Variants in VAV2 observed in about 807,000 individuals in gnomAD.
The protein encoded by VAV2 is guanine nucleotide exchange factor VAV2.
VAV2 carries 67 observed loss-of-function variants against 132.5 expected under a neutral mutation model. That is an observed-to-expected ratio of 0.51 (90% CI 0.42 to 0.62). The LOEUF (loss-of-function observed/expected upper bound fraction) is 0.62. Among genes scored for constraint, VAV2 ranks in the 20% least tolerant of loss-of-function variants. The probability of loss-of-function intolerance (pLI) is 0.00; values close to 1 mark genes in which losing one functional copy is unlikely to be tolerated. For synonymous variants in VAV2, 492 were observed against 443.5 expected (o/e 1.11, Z -1.37); for missense variants, 938 against 1,153.6 (o/e 0.81, Z 2.71).
chr9:133,830,621 C>T (rs1263361629), intron 4 of VAV2, among the ~76,000 whole-genome samples: 1 of 152,210 alleles, frequency 6.6e-6, no homozygotes, highest in Non-Finnish European at 1.5e-5. Context: ...AAACCTCTTT[C>T]CTTTACAATT....
chr9:133,920,190 T>C (rs1840246201), intron 2 of VAV2, among the ~76,000 whole-genome samples: 1 of 151,828 alleles, frequency 6.6e-6, no homozygotes, highest in African/African-American at 2.4e-5. Flanking sequence ...AGAGCCTCCT[T>C]CTAGTCAGCC....
intron 1 of VAV2, among the ~76,000 whole-genome samples, chr9:133,947,163 G>A (rs1389525122): frequency 1.3e-5 from 2 of 152,176 alleles, no homozygotes; most frequent in Non-Finnish European, 2.9e-5. Flanking sequence ...CTGCTTAGGT[G>A]GCAACCTCGC....
At chr9:133,934,231 A>G (rs1044311825) in intron 2 of VAV2, among the ~76,000 whole-genome samples, 1 of 152,168 alleles carries the variant, frequency 6.6e-6, no homozygotes, top group African/African-American at 2.4e-5. Flanking sequence ...GCCGGGAGGC[A>G]GCTGTTTAGA....
intron 2 of VAV2, among the ~76,000 whole-genome samples, chr9:133,913,684 A>G (rs907871642): frequency 6.6e-6 from 1 of 152,258 alleles, no homozygotes; most frequent in African/African-American, 2.4e-5. Context: ...GGGCAAAGTC[A>G]GGGCAAACAG....
intron 2 of VAV2, among the ~76,000 whole-genome samples, chr9:133,904,627 G>A (rs762541716): frequency 6.6e-5 from 10 of 152,224 alleles, no homozygotes; most frequent in South Asian, 2.1e-4. Context: ...CAGTGGAGTC[G>A]GACGACATGC....
rs1171871638 is a variant in VAV2 at position 133,824,559 on chromosome 9, C to T, written c.449+9713G>A. On this transcript the variant is annotated intron_variant, in intron 4 of 29. Coordinates refer to ENST00000371850, the MANE Select transcript of VAV2 (RefSeq NM_001134398.2). This position sits in a 1 kb window ranked among gnomAD's most constrained non-coding sequence, Gnocchi z 5.2. ...TCCTACGCACTCTTCAAAATGAACA[C>T]CTCCTCCAGGAAGGCTTCCTGCCCT... 1.3e-5 allele frequency among the ~76,000 whole-genome samples: 2 copies of T among 152,198 alleles called. No individual in the cohort carries two copies. Among genetic ancestry groups the T allele is most frequent in the Admixed American group, 6.5e-5 (1 of 15,288 alleles).
At position 133,810,280 on chromosome 9, in the gene VAV2, G is replaced by T. The variant is rs1209737076; in HGVS notation, c.553-75C>A. 5.4e-5 allele frequency: 86 copies of T among 1,602,978 alleles called. 1 individual carries two copies. In the South Asian group the frequency reaches 9.4e-4, roughly 17 times the overall value. On this transcript the variant is annotated intron_variant, in intron 5 of 29. Transcript: ENST00000371850. ...CACTGTCCTGGCAAGCTGGGCCTGGGACATCAGGAACGCCACCCCACAACC... is the reference window on the plus strand; with the variant it reads ...CACTGTCCTGGCAAGCTGGGCCTGGTACATCAGGAACGCCACCCCACAACC...
rs1466456531 is a variant in VAV2, at chr9:133,778,825, C to T, written c.1827G>A (p.Leu609=). The T allele has an allele frequency of 1.2e-6, 2 of 1,613,046 alleles. No individual in the cohort carries two copies. The highest frequency in any genetic ancestry group is 2.7e-5 in the African/African-American group (2 of 74,948). ...GNPAPPGKPV[L]TFQTGDVLEL... ...CAAGCACGTCGCCCGTCTGGAAGGT[C>T]AGCACAGGCTTCCCGGGAGGGGCTG... The change falls in exon 22 of 30, where the codon CTG becomes CTA. Residue 609 remains leucine, a synonymous_variant. Coordinates refer to ENST00000371850, the MANE Select transcript of VAV2 (RefSeq NM_001134398.2).
chr9:133,943,405 G>A (rs1054471437), intron 1 of VAV2, among the ~76,000 whole-genome samples: 2 of 152,214 alleles, frequency 1.3e-5, no homozygotes, highest in Non-Finnish European at 2.9e-5. Flanking sequence ...AAAGTCCCCT[G>A]TCCACGCCCA....
chr9:133,789,228 C>T, intron 14 of VAV2, 30 bp downstream of exon 14: 1 of 1,611,278 alleles, frequency 6.2e-7, no homozygotes, highest in South Asian at 1.1e-5. Context: ...GGCGGGACGC[C>T]ACCCAGCCCA....
intron 2 of VAV2, among the ~76,000 whole-genome samples, chr9:133,938,564 G>A (rs768788084): frequency 5.3e-5 from 8 of 152,012 alleles, no homozygotes; most frequent in South Asian, 2.1e-4. Context: ...GACACTTCCC[G>A]GGGTCACCAC....
Position 133,806,192 on chromosome 9 carries a change from A to C in VAV2, c.736-11T>G, listed in dbSNP as rs773665828. 3.1e-6 allele frequency: 5 copies of C among 1,608,910 alleles called. No individual in the cohort carries two copies. Among genetic ancestry groups the C allele is most frequent in the Non-Finnish European group, 4.2e-6 (5 of 1,178,434 alleles). On this transcript the variant is annotated splice_polypyrimidine_tract_variant and intron_variant, in intron 8 of 29. Coordinates refer to ENST00000371850, the MANE Select transcript of VAV2 (RefSeq NM_001134398.2). ...CACCTTGATCAGGTCCTGGGTTGAA[A>C]ACCAGCCGTGAGTGCCTGGCCAGGC... is the stretch of plus-strand genomic sequence containing the variant.
Position 133,833,338 on chromosome 9 carries a change from C to T in VAV2, c.449+934G>A, listed in dbSNP as rs1400998063. ...CAGGCACTCCCATACACGCAGCTCC[C>T]CCTCTTACTCCTCTCCCGGTTGTCA... On this transcript the variant is annotated intron_variant, in intron 4 of 29. Transcript: ENST00000371850. The surrounding 1 kb of genome is among the most constrained non-coding windows in gnomAD (Gnocchi z 5.6). 1.3e-5 allele frequency among the ~76,000 whole-genome samples: 2 copies of T among 152,214 alleles called. No individual in the cohort carries two copies. The highest frequency in any genetic ancestry group is 2.9e-5 in the Non-Finnish European group (2 of 68,038).
chr9:133,935,011 C>G lies in VAV2; in HGVS notation c.321+4092G>C, dbSNP rs1234416557. ...GCCCTGGAGTCCCCAGCCCCACACC[C>G]CCTCGGTTACCCCTGACCAGCCCCA... On this transcript the variant is annotated intron_variant, in intron 2 of 29. Transcript: ENST00000371850. The surrounding 1 kb of genome is among the most constrained non-coding windows in gnomAD (Gnocchi z 5.2). 6.6e-6 allele frequency among the ~76,000 whole-genome samples: 1 copy of G among 152,056 alleles called. No homozygotes were observed. The highest frequency in any genetic ancestry group is 2.1e-4 in the South Asian group (1 of 4,830).
chr9:133,835,317 C>G (rs766122677), intron 3 of VAV2, among the ~76,000 whole-genome samples: 12 of 152,136 alleles, frequency 7.9e-5, no homozygotes, highest in Non-Finnish European at 1.6e-4. Flanking sequence ...CTACAGGCCT[C>G]CCTGCATAAG....
At chr9:133,813,971 C>A (rs182827113) in intron 4 of VAV2, among the ~76,000 whole-genome samples, 351 of 152,326 alleles carry the variant, frequency 2.3e-3, no homozygotes, top group Non-Finnish European at 3.9e-3. Context: ...CAGCAAGGGG[C>A]AGGGCTGTGG....
intron 1 of VAV2, among the ~76,000 whole-genome samples, chr9:133,977,105 C>T (rs1225732128): frequency 6.6e-6 from 1 of 152,202 alleles, no homozygotes; most frequent in East Asian, 1.9e-4. Flanking sequence ...CCACGCCCAG[C>T]CGCCCTGCCC....
Position 133,768,277 on chromosome 9 carries a change from G to A in VAV2, c.2589+165C>T, listed in dbSNP as rs1431439465. ...ACATCTGGAGCCTCGGTTTCCCCCT[G>A]TGAATGCCAACCTTCTGGGCTGCTG... On this transcript the variant is annotated intron_variant, in intron 29 of 29. Coordinates refer to ENST00000371850, the MANE Select transcript of VAV2 (RefSeq NM_001134398.2). The surrounding 1 kb of genome is among the most constrained non-coding windows in gnomAD (Gnocchi z 5.3). 6.6e-6 allele frequency among the ~76,000 whole-genome samples: 1 copy of A among 152,140 alleles called. No homozygotes were observed. Among genetic ancestry groups the A allele is most frequent in the Non-Finnish European group, 1.5e-5 (1 of 68,020 alleles).
Position 133,769,229 on chromosome 9 carries a change from T to C in VAV2, c.2434+188A>G, listed in dbSNP as rs1186298930. Reference sequence around the variant, plus strand: ...CAATGGCAGGGCCAAGCCTGACGTGTCCTCAGGTGCTCGCAGCAGCCTCTG... The same window carrying C: ...CAATGGCAGGGCCAAGCCTGACGTGCCCTCAGGTGCTCGCAGCAGCCTCTG... On this transcript the variant is annotated intron_variant, in intron 28 of 29. Coordinates refer to ENST00000371850, the MANE Select transcript of VAV2 (RefSeq NM_001134398.2). The surrounding 1 kb of genome is among the most constrained non-coding windows in gnomAD (Gnocchi z 8.1). 6.6e-6 allele frequency among the ~76,000 whole-genome samples: 1 copy of C among 152,164 alleles called. No individual in the cohort carries two copies. The highest frequency in any genetic ancestry group is 2.1e-4 in the South Asian group (1 of 4,828).
Sources: gnomAD v4.1 joint callset for allele counts (sites outside exome capture counted in the v4.1 genomes callset) on GRCh38, gnomAD v4.1.1 for gene constraint, Gnocchi (gnomAD v3.1) non-coding constraint, MANE v1.5 for transcripts, NCBI Gene and HGNC (gene_info 2026-07-23, HGNC 2026-07-21) for gene names.